The following HRH1 variants were observed in gnomAD, a reference collection of about 807,000 sequenced individuals.
HRH1 encodes the protein histamine receptor H1, also known as histamine H1 receptor.
A neutral mutation model predicts 10.3 loss-of-function variants in HRH1; 6 were observed. That is an observed-to-expected ratio of 0.58 (90% CI 0.32 to 1.15). The LOEUF is 1.15. HRH1 is among the 50% of genes most tolerant of loss of function. The probability of loss-of-function intolerance (pLI) is 0.05; values close to 1 mark genes in which losing one functional copy is unlikely to be tolerated. For missense variants in HRH1, 514 were observed against 615.3 expected (o/e 0.84, Z 1.74); for synonymous variants, 242 against 236.7 (o/e 1.02, Z -0.21).
At chr3:11,207,965 T>G (rs1005191548) in intron 1 of HRH1, among the ~76,000 whole-genome samples, 3 of 152,074 alleles carry the variant, frequency 2.0e-5, no homozygotes, top group African/African-American at 7.3e-5. Flanking sequence ...GTTTTCCCAC[T>G]AAGATGTTTA....
intron 1 of HRH1, among the ~76,000 whole-genome samples, chr3:11,207,714 A>G (rs1030238128): frequency 6.6e-6 from 1 of 152,082 alleles, no homozygotes; most frequent in African/African-American, 2.4e-5. Flanking sequence ...CTTCCCTCCT[A>G]GGGTGATTCT....
At position 11,260,756 on chromosome 3, in the gene HRH1, T is replaced by A; in HGVS notation, c.*255T>A. On this transcript the variant is annotated 3_prime_UTR_variant, in exon 2 of 2. Coordinates refer to ENST00000431010, the MANE Select transcript of HRH1 (RefSeq NM_001098212.2). ...GTCAGACCTGTTTCTTGTAACTGGG[T>A]TCAAAAAGAAAAAAATAATAAAAAT... The A allele has an allele frequency of 2.2e-6, 1 of 444,894 alleles. No individual in the cohort carries two copies. Among genetic ancestry groups the A allele is most frequent in the Non-Finnish European group, 4.1e-6 (1 of 244,032 alleles). The allele number at this position is 444,894 out of a possible 1,614,324, so 27.6% of individuals were successfully genotyped here.
intron 1 of HRH1, among the ~76,000 whole-genome samples, chr3:11,213,165 T>TC (rs1462958355): frequency 6.6e-6 from 1 of 152,240 alleles, no homozygotes; most frequent in Non-Finnish European, 1.5e-5. Context: ...ATATGTTTCT[T>TC]CCGCTAGAAT....
chr3:11,218,509 G>A (rs976290275), intron 1 of HRH1, among the ~76,000 whole-genome samples: 2 of 152,074 alleles, frequency 1.3e-5, no homozygotes, highest in Admixed American at 6.6e-5. Flanking sequence ...CAGGACAGTG[G>A]TTTCTTGTGG....
At chr3:11,257,574 A>AC (rs916366750) in intron 1 of HRH1, among the ~76,000 whole-genome samples, 1 of 152,080 alleles carries the variant, frequency 6.6e-6, no homozygotes, top group African/African-American at 2.4e-5. Context: ...AAAAAAAAAA[A>AC]ATCTTAAAAA....
chr3:11,152,453 A>G (rs1011322131), upstream of HRH1, among the ~76,000 whole-genome samples: 2 of 152,202 alleles, frequency 1.3e-5, no homozygotes, highest in African/African-American at 4.8e-5. Context: ...TGATTTTTCT[A>G]AAAGTGCTGA....
At chr3:11,170,305 C>T (rs537475564) in intron 1 of HRH1, among the ~76,000 whole-genome samples, 4 of 152,248 alleles carry the variant, frequency 2.6e-5, no homozygotes, top group Admixed American at 2.6e-4. Context: ...CACAAACATG[C>T]TTTGTTTATA....
At chr3:11,216,786 A>G (rs1938513931) in intron 1 of HRH1, among the ~76,000 whole-genome samples, 1 of 152,168 alleles carries the variant, frequency 6.6e-6, no homozygotes, top group Non-Finnish European at 1.5e-5. Context: ...AGGCTGAGGC[A>G]GGAGAATCAC....
chr3:11,176,040 G>A (rs1348265689), intron 1 of HRH1, among the ~76,000 whole-genome samples: 1 of 152,062 alleles, frequency 6.6e-6, no homozygotes, highest in South Asian at 2.1e-4. Flanking sequence ...AGGCATGGTG[G>A]TACACACCTG....
Position 11,263,249 on chromosome 3 carries a change from G to A in HRH1, c.*2748G>A, listed in dbSNP as rs1239213501. 1 of 167,078 alleles carries A rather than the reference G, an allele frequency of 6.0e-6. No homozygotes were observed. The highest frequency in any genetic ancestry group is 1.5e-5 in the Non-Finnish European group (1 of 68,134). 10.3% of individuals were successfully genotyped at this position (167,078 alleles called of 1,614,324 possible). On this transcript the variant is annotated 3_prime_UTR_variant, in exon 2 of 2. Transcript: ENST00000431010. ...AATGGCTTTAATAAATTGGTCATTT[G>A]GCTACTTGGCTTGTGGACAATCTCT...
chr3:11,178,369 T>G (rs889225623), intron 1 of HRH1, among the ~76,000 whole-genome samples: 2 of 152,192 alleles, frequency 1.3e-5, no homozygotes, highest in African/African-American at 4.8e-5. Context: ...AAATGTGGTT[T>G]CAAATCCCAG....
At chr3:11,195,893 A>G (rs938176075) in intron 1 of HRH1, among the ~76,000 whole-genome samples, 1 of 152,130 alleles carries the variant, frequency 6.6e-6, no homozygotes, top group Non-Finnish European at 1.5e-5. Flanking sequence ...TGTTCTTAGC[A>G]GACTGTCTGT....
upstream of HRH1, among the ~76,000 whole-genome samples, chr3:11,151,238 A>T (rs1280763285): frequency 1.3e-5 from 2 of 152,204 alleles, no homozygotes; most frequent in Non-Finnish European, 2.9e-5. Context: ...GAGGTTGTTT[A>T]GCCATTTCCA....
At chr3:11,234,488 C>G (rs548539351) in intron 1 of HRH1, 4 of 1,512,678 alleles carry the variant, frequency 2.6e-6, no homozygotes, top group East Asian at 4.5e-5. Context: ...GAACTGTTCC[C>G]CACAGGGGCC....
intron 1 of HRH1, among the ~76,000 whole-genome samples, chr3:11,201,656 C>T (rs1290691256): frequency 5.3e-5 from 8 of 152,178 alleles, no homozygotes; most frequent in African/African-American, 9.7e-5. Context: ...TTAGACTAGT[C>T]GGAGAAGGGC....
In HRH1 at chr3:11,260,516, G is replaced by A; in HGVS notation, c.*15G>A. ...TTCGCTCCTAAGGGAGGCTCTGAGG[G>A]GATGCAACAAAATGATCCTTATGAT... On this transcript the variant is annotated 3_prime_UTR_variant, in exon 2 of 2. Transcript: ENST00000431010. 1 of 1,556,728 alleles carries A rather than the reference G, an allele frequency of 6.4e-7. No individual in the cohort carries two copies. Among genetic ancestry groups the A allele is most frequent in the Non-Finnish European group, 8.7e-7 (1 of 1,151,266 alleles).
chr3:11,254,156 A>T (rs1232792368), intron 1 of HRH1, among the ~76,000 whole-genome samples: 2 of 152,118 alleles, frequency 1.3e-5, no homozygotes, highest in Non-Finnish European at 2.9e-5. Flanking sequence ...CTGGAGAAAG[A>T]GTTTTTCCCT....
chr3:11,225,749 G>A (rs757267522), intron 1 of HRH1, among the ~76,000 whole-genome samples: 4 of 152,216 alleles, frequency 2.6e-5, no homozygotes, highest in African/African-American at 9.6e-5. Flanking sequence ...GCAGTGGCAC[G>A]ATCTCGGCTC....
chr3:11,194,563 C>T lies in HRH1; in HGVS notation c.-36+40009C>T, dbSNP rs144736013. Among the ~76,000 whole-genome samples the T allele has an allele frequency of 1.8e-3, 269 of 152,366 alleles. 1 individual carries two copies. Among genetic ancestry groups the T allele is most frequent in the African/African-American group, 4.7e-3 (194 of 41,588 alleles). On this transcript the variant is annotated intron_variant, in intron 1 of 1. Transcript: ENST00000431010. ...CAGCTCACAGCAGGGCATGTTGGCT[C>T]ACGCCTGTAATCCCAGCACTTTGGG...
Sources: gnomAD v4.1 joint callset for allele counts (sites outside exome capture counted in the v4.1 genomes callset) on GRCh38, gnomAD v4.1.1 for gene constraint, MANE v1.5 for transcripts, NCBI Gene and HGNC (gene_info 2026-07-23, HGNC 2026-07-21) for gene names.